TTC28: variants seen among roughly 807,000 people sequenced by gnomAD.
TTC28 encodes tetratricopeptide repeat domain 28.
A neutral mutation model predicts 198.0 loss-of-function variants in TTC28; 61 were observed. That is an observed-to-expected ratio of 0.31 (90% CI 0.25 to 0.38). TTC28 has a LOEUF of 0.38. Among genes scored for constraint, TTC28 ranks in the 10% least tolerant of loss-of-function variants. TTC28 has a pLI of 1.00. For missense variants in TTC28, 2,678 were observed against 3,164.0 expected (o/e 0.85, Z 3.69); for synonymous variants, 1,171 against 1,297.8 (o/e 0.90, Z 2.10).
At chr22:28,001,636 C>A in intron 14 of TTC28, 83 bp from the exon 15 acceptor site, 2 of 1,460,868 alleles carry the variant, frequency 1.4e-6, no homozygotes, top group Non-Finnish European at 1.8e-6. Context: ...GAGCCCTAGC[C>A]TGGATGACAC....
chr22:28,082,894 G>C (rs1941416581), intron 12 of TTC28, among the ~76,000 whole-genome samples: 1 of 151,920 alleles, frequency 6.6e-6, no homozygotes, highest in South Asian at 2.1e-4. Flanking sequence ...TTTATTGGGA[G>C]GTTTTTGGTT....
At chr22:28,325,416 A>G (rs1268116735) in intron 2 of TTC28, among the ~76,000 whole-genome samples, 1 of 151,926 alleles carries the variant, frequency 6.6e-6, no homozygotes, top group Non-Finnish European at 1.5e-5. Context: ...ATATTATGTG[A>G]ACCTCATCAC....
chr22:28,651,362 C>T (rs571481598), intron 1 of TTC28, among the ~76,000 whole-genome samples: 33 of 149,832 alleles, frequency 2.2e-4, no homozygotes, highest in African/African-American at 8.2e-4. Flanking sequence ...AGTGCAGTGG[C>T]GTGATCTGAG....
intron 1 of TTC28, among the ~76,000 whole-genome samples, chr22:28,634,776 G>C (rs907861984): frequency 7.3e-5 from 11 of 151,422 alleles, no homozygotes; most frequent in African/African-American, 2.7e-4. Context: ...GTAGAGATAC[G>C]GTTTTGCCAT....
At chr22:28,279,022 C>T (rs532504270) in intron 5 of TTC28, among the ~76,000 whole-genome samples, 1 of 152,254 alleles carries the variant, frequency 6.6e-6, no homozygotes, top group South Asian at 2.1e-4. Context: ...ATTCGAATCA[C>T]TAGAATTACT....
At chr22:28,604,186 G>A (rs1341164428) in intron 2 of TTC28, among the ~76,000 whole-genome samples, 1 of 151,084 alleles carries the variant, frequency 6.6e-6, no homozygotes, top group East Asian at 2.0e-4. Flanking sequence ...GCTGAGGCAG[G>A]AGAATCTCTT....
intron 2 of TTC28, among the ~76,000 whole-genome samples, chr22:28,593,714 T>C (rs911919070): frequency 1.3e-5 from 2 of 152,216 alleles, no homozygotes; most frequent in African/African-American, 4.8e-5. Context: ...TAAATTTTAT[T>C]GTATAAGTAT....
intron 2 of TTC28, among the ~76,000 whole-genome samples, chr22:28,564,565 C>T (rs1307250070): frequency 6.6e-6 from 1 of 151,776 alleles, no homozygotes; most frequent in East Asian, 1.9e-4. Context: ...ATATTTTTGT[C>T]TGTGATAGCA....
At chr22:28,126,438 C>T (rs1408902677) in intron 6 of TTC28, among the ~76,000 whole-genome samples, 1 of 152,182 alleles carries the variant, frequency 6.6e-6, no homozygotes, top group African/African-American at 2.4e-5. Flanking sequence ...CAATGGTTCA[C>T]TTAAATACAG....
chr22:28,304,113 G>A (rs1462378166), intron 3 of TTC28, among the ~76,000 whole-genome samples: 1 of 152,020 alleles, frequency 6.6e-6, no homozygotes, highest in South Asian at 2.1e-4. Context: ...ATGAAACCCC[G>A]TCTCTACTAA....
chr22:28,008,889 AG>A, intron 14 of TTC28, among the ~76,000 whole-genome samples: 1 of 152,336 alleles, frequency 6.6e-6, no homozygotes, highest in African/African-American at 2.4e-5. Context: ...TGGTGGGGAC[AG>A]GACTGGCCCA....
chr22:28,585,155 A>G (rs529322736), intron 2 of TTC28, among the ~76,000 whole-genome samples: 1 of 152,186 alleles, frequency 6.6e-6, no homozygotes, highest in Admixed American at 6.5e-5. Flanking sequence ...CAATTTTTCA[A>G]TGGACCTGGG....
At chr22:28,386,168 G>A (rs2046582412) in intron 2 of TTC28, among the ~76,000 whole-genome samples, 1 of 147,570 alleles carries the variant, frequency 6.8e-6, no homozygotes, top group Non-Finnish European at 1.5e-5. Context: ...CTAGCTACTT[G>A]GGAGGCTGAG....
chr22:28,551,585 A>C (rs569629953), intron 2 of TTC28, among the ~76,000 whole-genome samples: 2 of 152,364 alleles, frequency 1.3e-5, no homozygotes, highest in South Asian at 4.1e-4. Flanking sequence ...ATGTAAGTCA[A>C]TAAATGTGTT....
chr22:28,654,456 T>C (rs1410277252), intron 1 of TTC28, among the ~76,000 whole-genome samples: 2 of 152,162 alleles, frequency 1.3e-5, no homozygotes, highest in African/African-American at 2.4e-5. Flanking sequence ...GCCTCCCAAG[T>C]ATCCGGGATT....
chr22:28,011,333 C>T (rs780427052), intron 14 of TTC28, among the ~76,000 whole-genome samples: 2 of 152,192 alleles, frequency 1.3e-5, no homozygotes, highest in African/African-American at 4.8e-5. Context: ...TGGTGGTTCA[C>T]GCCCGTAATG....
intron 2 of TTC28, among the ~76,000 whole-genome samples, chr22:28,521,512 G>T (rs1306935918): frequency 1.3e-5 from 2 of 152,164 alleles, no homozygotes; most frequent in African/African-American, 4.8e-5. Flanking sequence ...CAAAAGAGCT[G>T]AGCAGATATT....
chr22:28,256,222 G>C (rs1930905386), intron 5 of TTC28, among the ~76,000 whole-genome samples: 1 of 151,954 alleles, frequency 6.6e-6, no homozygotes, highest in African/African-American at 2.4e-5. Flanking sequence ...AGGAGTTCGA[G>C]ACCAGCCTGG....
At chr22:28,591,109 G>A (rs1168804236) in intron 2 of TTC28, among the ~76,000 whole-genome samples, 1 of 130,332 alleles carries the variant, frequency 7.7e-6, no homozygotes. Flanking sequence ...TTTGTTGGGG[G>A]GAATTATTTT....
Sources: allele counts gnomAD v4.1 joint callset (sites outside exome capture counted in the v4.1 genomes callset), GRCh38; gene constraint gnomAD v4.1.1; transcripts MANE v1.5; gene names NCBI Gene and HGNC (gene_info 2026-07-23, HGNC 2026-07-21).